Variants in GLB1 observed in about 807,000 individuals in gnomAD.
The protein encoded by GLB1 is galactosidase beta 1, also known as beta-galactosidase.
In GLB1, 56 loss-of-function variants were observed where a neutral mutation model predicts 74.0. That is an observed-to-expected ratio of 0.76 (90% CI 0.61 to 0.94). The LOEUF (loss-of-function observed/expected upper bound fraction) is 0.94, where lower values mean the gene tolerates loss of function less well. Among genes scored for constraint, GLB1 ranks in the 40% least tolerant of loss-of-function variants. The pLI is 0.00. For synonymous variants in GLB1, 323 were observed against 323.6 expected (o/e 1.00, Z 0.02); for missense variants, 787 against 845.5 (o/e 0.93, Z 0.86).
intron 1 of GLB1, among the ~76,000 whole-genome samples, chr3:33,095,594 G>A (rs563583199): frequency 6.6e-4 from 100 of 152,286 alleles, no homozygotes; most frequent in African/African-American, 2.4e-3. Context: ...GTGGGCCTCA[G>A]GTATGGCAGC....
At chr3:32,968,553 C>G in the GLB1 span, among the ~76,000 whole-genome samples, 8 of 152,116 alleles carry the variant, frequency 5.3e-5, no homozygotes, top group African/African-American at 7.2e-5. Context: ...TGTGCACTTC[C>G]TACTCCAACC....
At position 33,039,758 on chromosome 3, in the gene GLB1, T is replaced by C. The variant is rs183937569; in HGVS notation, c.1068+6362A>G. On this transcript the variant is annotated intron_variant, in intron 10 of 15. Coordinates refer to ENST00000307363, the MANE Select transcript of GLB1 (RefSeq NM_000404.4). The stretch of plus-strand genomic sequence containing the variant: ...AAAATCCACAAAAGAAATAATGCCA[T>C]AGATTTAGGAAGTTCAAACACCCTC... Among the ~76,000 whole-genome samples, 36 of 152,248 alleles carry C rather than the reference T, an allele frequency of 2.4e-4. No homozygotes were observed. The East Asian group carries it at 6.0e-3, about 25-fold the overall frequency.
chr3:33,033,999 G>A (rs1177008398), intron 10 of GLB1: 7 of 548,576 alleles, frequency 1.3e-5, no homozygotes, highest in Non-Finnish European at 2.2e-5. Context: ...CACAACAGAG[G>A]GCAGATCCTC....
At chr3:33,055,277 T>C (rs1374463679) in intron 6 of GLB1, among the ~76,000 whole-genome samples, 1 of 152,134 alleles carries the variant, frequency 6.6e-6, no homozygotes, top group African/African-American at 2.4e-5. Context: ...ATACAAATTA[T>C]GCTTAAAACA....
chr3:32,967,294 T>C, the GLB1 span, among the ~76,000 whole-genome samples: 6 of 152,112 alleles, frequency 3.9e-5, no homozygotes, highest in Non-Finnish European at 7.4e-5. Flanking sequence ...GGATACCAGA[T>C]CAACATACAA....
intron 15 of GLB1, among the ~76,000 whole-genome samples, chr3:33,000,821 G>C (rs548639153): frequency 6.6e-6 from 1 of 152,278 alleles, no homozygotes; most frequent in East Asian, 1.9e-4. Context: ...TGAGATCCTA[G>C]TGACTTCATT....
chr3:32,991,001 T>C, the GLB1 span, among the ~76,000 whole-genome samples: 1 of 152,038 alleles, frequency 6.6e-6, no homozygotes, highest in East Asian at 1.9e-4. Context: ...AATAATCGTA[T>C]TGCTTAGTAA....
intron 5 of GLB1, among the ~76,000 whole-genome samples, chr3:33,062,186 CAG>C (rs1191999547): frequency 2.0e-5 from 3 of 152,094 alleles, no homozygotes; most frequent in Non-Finnish European, 4.4e-5. Flanking sequence ...TTTTTTGAGA[CAG>C]AGTCTCACTT....
In GLB1 at chr3:33,093,252, C is replaced by T. The variant is rs140273209; in HGVS notation, c.75+3759G>A. On this transcript the variant is annotated intron_variant, in intron 1 of 15. Transcript: ENST00000307363. The surrounding 1 kb of genome is among the most constrained non-coding windows in gnomAD (Gnocchi z 6.0). ...ACTCCCACTGCCACTGCCACCACCA[C>T]CACGTTGGGCCCGTGTGGCGGAAAT... 509 of 1,614,010 alleles carry T rather than the reference C, an allele frequency of 3.2e-4. No individual in the cohort carries two copies. The highest frequency in any genetic ancestry group is 2.6e-4 in the Non-Finnish European group (301 of 1,180,024).
At chr3:32,988,128 G>A in the GLB1 span, among the ~76,000 whole-genome samples, 1 of 142,650 alleles carries the variant, frequency 7.0e-6, no homozygotes, top group East Asian at 2.2e-4. Flanking sequence ...AGAGGTTGCA[G>A]TGAGCCAAGA....
intron 1 of GLB1, among the ~76,000 whole-genome samples, chr3:33,076,319 C>T (rs1010330354): frequency 2.0e-5 from 3 of 152,142 alleles, no homozygotes; most frequent in African/African-American, 4.8e-5. Flanking sequence ...ATAGTTGAAA[C>T]ATGGCAGCTG....
At chr3:33,091,141 G>A (rs1013358820) in intron 1 of GLB1, 55 of 985,240 alleles carry the variant, frequency 5.6e-5, no homozygotes, top group African/African-American at 1.2e-4. Context: ...CACAAAATGC[G>A]GTCGGGACAC....
the GLB1 span, among the ~76,000 whole-genome samples, chr3:32,967,706 A>G: frequency 6.6e-6 from 1 of 152,178 alleles, no homozygotes; most frequent in Admixed American, 6.5e-5. Flanking sequence ...TCGCCCATGA[A>G]TGGAGACAAC....
chr3:33,049,807 A>G (rs1226565656), intron 9 of GLB1, among the ~76,000 whole-genome samples: 5 of 152,056 alleles, frequency 3.3e-5, no homozygotes, highest in Non-Finnish European at 7.4e-5. Flanking sequence ...CAGGCACACT[A>G]TTATCTTATA....
intron 1 of GLB1, among the ~76,000 whole-genome samples, chr3:33,075,824 G>A (rs913802320): frequency 4.6e-5 from 7 of 152,144 alleles, no homozygotes; most frequent in Non-Finnish European, 8.8e-5. Context: ...GGTGGATCAC[G>A]AGGTCGGGAG....
chr3:33,054,084 C>T (rs1299709366), intron 6 of GLB1, among the ~76,000 whole-genome samples: 2 of 151,942 alleles, frequency 1.3e-5, no homozygotes, highest in African/African-American at 4.8e-5. Context: ...AGCTTCCTGA[C>T]CATGTGAGGG....
intron 10 of GLB1, among the ~76,000 whole-genome samples, chr3:33,028,846 T>C (rs1423873452): frequency 2.6e-5 from 4 of 152,206 alleles, no homozygotes; most frequent in African/African-American, 4.8e-5. Flanking sequence ...TTTGTATTTT[T>C]AGTAGAAACG....
intron 10 of GLB1, among the ~76,000 whole-genome samples, chr3:33,024,679 A>G (rs1697657381): frequency 6.6e-6 from 1 of 152,352 alleles, no homozygotes; most frequent in South Asian, 2.1e-4. Context: ...GAGACAGCCT[A>G]TCATAGGAAA....
At chr3:33,077,480 G>A (rs1351724884) in intron 1 of GLB1, 1 of 709,258 alleles carries the variant, frequency 1.4e-6, no homozygotes, top group Admixed American at 2.3e-5. Flanking sequence ...GCAGTCAGGG[G>A]GTGTCTACTA....
Sources: gnomAD v4.1 joint callset for allele counts (sites outside exome capture counted in the v4.1 genomes callset) on GRCh38, gnomAD v4.1.1 for gene constraint, Gnocchi (gnomAD v3.1) non-coding constraint, MANE v1.5 for transcripts, NCBI Gene and HGNC (gene_info 2026-07-23, HGNC 2026-07-21) for gene names.